The following SUCLA2 variants were observed in gnomAD, a reference collection of about 807,000 sequenced individuals.
SUCLA2 encodes succinate--CoA ligase [ADP-forming] subunit beta, mitochondrial.
Under a neutral mutation model 54.8 loss-of-function variants are expected in SUCLA2, and 30 were observed. The observed-to-expected ratio is 0.55, with a 90% CI of 0.41 to 0.74. The LOEUF (loss-of-function observed/expected upper bound fraction) is 0.74, where lower values mean the gene tolerates loss of function less well. Among genes scored for constraint, SUCLA2 ranks in the 30% least tolerant of loss-of-function variants. The probability of loss-of-function intolerance (pLI) is 0.00; values close to 1 mark genes in which losing one functional copy is unlikely to be tolerated. For synonymous variants in SUCLA2, 172 were observed against 188.9 expected, an observed-to-expected ratio of 0.91 and a Z score of 0.74; for missense variants, 476 against 562.9, an observed-to-expected ratio of 0.85 and a Z score of 1.56.
intron 4 of SUCLA2, among the ~76,000 whole-genome samples, chr13:47,978,090 C>T (rs1260509896): frequency 6.6e-6 from 1 of 152,118 alleles, no homozygotes; most frequent in Non-Finnish European, 1.5e-5. Flanking sequence ...GGCCATACTG[C>T]CCAAAATAAT....
chr13:47,945,731 C>G (rs1949726022), intron 10 of SUCLA2: 1 of 151,458 alleles, frequency 6.6e-6, no homozygotes, highest in Non-Finnish European at 1.5e-5. Context: ...TTTCAGTTAC[C>G]TGCAGTCAAC....
chr13:47,947,082 T>A (rs935521289), intron 10 of SUCLA2, among the ~76,000 whole-genome samples: 1 of 152,184 alleles, frequency 6.6e-6, no homozygotes, highest in Non-Finnish European at 1.5e-5. Context: ...CTGAAACATT[T>A]TATCATACCA....
chr13:47,955,297 G>C (rs1250574086), intron 6 of SUCLA2, among the ~76,000 whole-genome samples: 1 of 152,074 alleles, frequency 6.6e-6, no homozygotes, highest in African/African-American at 2.4e-5. Flanking sequence ...CACCTCCCAG[G>C]CTCAAGCAAT....
chr13:47,982,712 T>TAAAAAAA (rs11389506), intron 4 of SUCLA2, among the ~76,000 whole-genome samples: 1 of 148,222 alleles, frequency 6.7e-6, no homozygotes, highest in Non-Finnish European at 1.5e-5. Flanking sequence ...TTTGACAATC[T>TAAAAAAA]AAAAAAAAAA....
At chr13:47,956,698 T>C (rs1223866690) in intron 6 of SUCLA2, 1 of 152,166 alleles carries the variant, frequency 6.6e-6, no homozygotes, top group Non-Finnish European at 1.5e-5. Flanking sequence ...ACAGGGGACA[T>C]CAGGAAATGT....
At chr13:47,977,909 T>C (rs916201087) in intron 4 of SUCLA2, among the ~76,000 whole-genome samples, 1 of 152,134 alleles carries the variant, frequency 6.6e-6, no homozygotes, top group Non-Finnish European at 1.5e-5. Context: ...TGAACTCCCA[T>C]TCACAATTGC....
intron 4 of SUCLA2, among the ~76,000 whole-genome samples, chr13:47,980,188 G>A (rs766348634): frequency 4.6e-5 from 7 of 152,054 alleles, no homozygotes; most frequent in Non-Finnish European, 8.8e-5. Flanking sequence ...AGGCTGAGGC[G>A]GGCAGATCAT....
chr13:47,954,111 T>C (rs1241582001), intron 8 of SUCLA2, 29 bp downstream of exon 8: 1 of 1,572,656 alleles, frequency 6.4e-7, no homozygotes, highest in Admixed American at 1.7e-5. Context: ...ATTTACATGA[T>C]ATAAAAATAT....
At chr13:48,001,025 G>A (rs1950226612) in intron 1 of SUCLA2, 155 bp downstream of exon 1, 2 of 1,479,666 alleles carry the variant, frequency 1.4e-6, no homozygotes, top group East Asian at 2.5e-5. Flanking sequence ...TAGTCCTGGC[G>A]AGCAGCACTC....
intron 1 of SUCLA2, among the ~76,000 whole-genome samples, chr13:47,999,978 C>T (rs1014874121): frequency 6.6e-6 from 1 of 151,888 alleles, no homozygotes; most frequent in African/African-American, 2.4e-5. Context: ...AGAATGAAAA[C>T]GTATTTGTCA....
At chr13:47,976,551 A>G (rs1212377645) in intron 4 of SUCLA2, among the ~76,000 whole-genome samples, 1 of 152,194 alleles carries the variant, frequency 6.6e-6, no homozygotes, top group Non-Finnish European at 1.5e-5. Context: ...CCTGTGGGGC[A>G]TCGAGAACAA....
At position 47,949,594 on chromosome 13, in the gene SUCLA2, T is replaced by G; in HGVS notation, c.1117A>C (p.Ile373Leu). ...ATTCCTCCAAAAATGTTGACCAGAA[T>G]AGCCAGTACCTATGAATAAAGTGTT... ...LITSDKKVLA[I>L]LVNIFGGIMR... The change falls in exon 9 of 11, where the codon ATT (isoleucine) becomes CTT (leucine). Residue 373 changes from isoleucine to leucine, a missense_variant. Coordinates refer to ENST00000646932, the MANE Select transcript of SUCLA2 (RefSeq NM_003850.3). 3 of 1,613,430 alleles carry G rather than the reference T, an allele frequency of 1.9e-6. No individual in the cohort carries two copies. Among genetic ancestry groups the G allele is most frequent in the Non-Finnish European group, 2.5e-6 (3 of 1,179,538 alleles).
Position 47,969,502 on chromosome 13 carries a change from C to A in SUCLA2, c.664-769G>T, listed in dbSNP as rs546104288. Among the ~76,000 whole-genome samples the A allele has an allele frequency of 4.6e-5, 7 of 152,232 alleles. 1 individual carries two copies. The highest frequency in any genetic ancestry group is 1.7e-4 in the African/African-American group (7 of 41,544). ...ATACCCACAGAGCTTTTAAACAATA[C>A]AATATCAAGGTCCCAACTCAGAAGT... On this transcript the variant is annotated intron_variant, in intron 5 of 10. Transcript: ENST00000646932.
chr13:47,995,685 T>C (rs910243442), intron 2 of SUCLA2, among the ~76,000 whole-genome samples: 1 of 152,196 alleles, frequency 6.6e-6, no homozygotes, highest in Non-Finnish European at 1.5e-5. Context: ...ATTAATTAAA[T>C]GTACATAGAA....
intron 4 of SUCLA2, among the ~76,000 whole-genome samples, chr13:47,982,832 A>G (rs7990505): frequency 2.0e-5 from 3 of 151,964 alleles, no homozygotes; most frequent in African/African-American, 7.3e-5. Flanking sequence ...GTGGAAACTT[A>G]GTGTTTGGGA....
chr13:47,998,071 G>T (rs927683024), intron 1 of SUCLA2, among the ~76,000 whole-genome samples: 1 of 152,048 alleles, frequency 6.6e-6, no homozygotes, highest in Non-Finnish European at 1.5e-5. Flanking sequence ...GGTAACATTT[G>T]ACCTAGGTAG....
At position 47,963,119 on chromosome 13, in the gene SUCLA2, C is replaced by T. The variant is rs186947227; in HGVS notation, c.802+5476G>A. ...CCTCAGCTGCAGCACCCAATTAAAC[C>T]CTTCTTCTTTGGCAATACTTCTCAG... On this transcript the variant is annotated intron_variant, in intron 6 of 10. Transcript: ENST00000646932. Among the ~76,000 whole-genome samples the T allele has an allele frequency of 1.4e-4, 21 of 152,278 alleles. No homozygotes were observed. The East Asian group carries it at 4.1e-3, about 29-fold the overall frequency.
At chr13:47,979,761 G>A (rs978326489) in intron 4 of SUCLA2, among the ~76,000 whole-genome samples, 6 of 152,024 alleles carry the variant, frequency 3.9e-5, no homozygotes, top group African/African-American at 1.2e-4. Context: ...GTTCAACACA[G>A]CACTAGATGT....
intron 2 of SUCLA2, among the ~76,000 whole-genome samples, chr13:47,990,150 C>T (rs1007909875): frequency 2.0e-5 from 3 of 152,100 alleles, no homozygotes; most frequent in African/African-American, 7.2e-5. Flanking sequence ...GAGTTCGAGA[C>T]CAGACTAGCC....
Sources: allele counts gnomAD v4.1 joint callset (sites outside exome capture counted in the v4.1 genomes callset), GRCh38; gene constraint gnomAD v4.1.1; transcripts MANE v1.5; gene names NCBI Gene and HGNC (gene_info 2026-07-23, HGNC 2026-07-21).